The following PRR16 variants were observed in gnomAD, a reference collection of about 807,000 sequenced individuals.
PRR16 encodes protein Largen.
PRR16 carries 6 observed loss-of-function variants against 18.2 expected under a neutral mutation model. The observed-to-expected ratio is 0.33, with a 90% CI of 0.18 to 0.65. PRR16 has a LOEUF of 0.65. PRR16 is among the 30% of genes least tolerant of loss of function. PRR16 has a pLI of 0.74. For missense variants in PRR16, 412 were observed against 376.6 expected (o/e 1.09, Z -0.78); for synonymous variants, 151 against 147.8 (o/e 1.02, Z -0.16).
At chr5:120,697,897 G>T in the PRR16 span, among the ~76,000 whole-genome samples, 31 of 152,208 alleles carry the variant, frequency 2.0e-4, no homozygotes, top group South Asian at 2.3e-3. Flanking sequence ...CACTTCTTTT[G>T]TGGTGGAATG....
At chr5:120,637,183 T>A (rs1388593816) in intron 1 of PRR16, among the ~76,000 whole-genome samples, 4 of 152,076 alleles carry the variant, frequency 2.6e-5, no homozygotes, top group Middle Eastern at 3.2e-3. Flanking sequence ...AAACTGTTGT[T>A]GGTAATATAA....
At chr5:120,521,584 G>A (rs913746931) in intron 1 of PRR16, among the ~76,000 whole-genome samples, 1 of 152,002 alleles carries the variant, frequency 6.6e-6, no homozygotes, top group African/African-American at 2.4e-5. Context: ...CAAACATTGT[G>A]CAATGATCAA....
At chr5:120,656,945 A>G (rs753345709) in intron 1 of PRR16, among the ~76,000 whole-genome samples, 3 of 152,020 alleles carry the variant, frequency 2.0e-5, no homozygotes, top group Non-Finnish European at 4.4e-5. Context: ...AGAGGTTAGA[A>G]TTTTTATTCC....
intron 1 of PRR16, among the ~76,000 whole-genome samples, chr5:120,510,629 T>C (rs1207679801): frequency 6.6e-6 from 1 of 152,126 alleles, no homozygotes; most frequent in Non-Finnish European, 1.5e-5. Context: ...ATGAAGGAAA[T>C]AGAATGCACT....
intron 1 of PRR16, among the ~76,000 whole-genome samples, chr5:120,482,105 G>A (rs1310247009): frequency 2.6e-5 from 4 of 151,992 alleles, no homozygotes; most frequent in African/African-American, 9.7e-5. Context: ...ATTGCCCACT[G>A]GATATTTTGT....
At chr5:120,508,470 C>T (rs552882276) in intron 1 of PRR16, among the ~76,000 whole-genome samples, 5 of 152,222 alleles carry the variant, frequency 3.3e-5, no homozygotes, top group South Asian at 2.1e-4. Context: ...TAGCAGTCTG[C>T]TGCAATATTA....
At chr5:120,537,231 A>G (rs1014024813) in intron 1 of PRR16, among the ~76,000 whole-genome samples, 22 of 152,204 alleles carry the variant, frequency 1.4e-4, no homozygotes, top group African/African-American at 5.1e-4. Context: ...ATCCCAGAAG[A>G]ACATTCATTT....
At chr5:120,713,224 C>G in the PRR16 span, among the ~76,000 whole-genome samples, 1 of 152,012 alleles carries the variant, frequency 6.6e-6, no homozygotes, top group Non-Finnish European at 1.5e-5. Flanking sequence ...TAAAATAAGC[C>G]AGACATAGAA....
At chr5:120,744,545 C>T in the PRR16 span, among the ~76,000 whole-genome samples, 2 of 152,160 alleles carry the variant, frequency 1.3e-5, no homozygotes, top group Non-Finnish European at 2.9e-5. Context: ...CAATAGAGGA[C>T]AGCCAGATAA....
At position 120,538,068 on chromosome 5, in the gene PRR16, G is replaced by C. The variant is rs1031378353; in HGVS notation, c.159+73423G>C. On this transcript the variant is annotated intron_variant, in intron 1 of 1. Coordinates refer to ENST00000407149, the MANE Select transcript of PRR16 (RefSeq NM_001300783.2). ...TGGGATTACAGGCGTGAGCCACCGCGCCCGGCCGTTGTTTATAATATAAGC... is the reference window on the plus strand; with the variant it reads ...TGGGATTACAGGCGTGAGCCACCGCCCCCGGCCGTTGTTTATAATATAAGC... 4.6e-5 allele frequency among the ~76,000 whole-genome samples: 7 copies of C among 152,216 alleles called. No individual in the cohort carries two copies. In the South Asian group the frequency reaches 1.5e-3, roughly 32 times the overall value.
At chr5:120,564,981 G>A (rs976018230) in intron 1 of PRR16, among the ~76,000 whole-genome samples, 1 of 127,572 alleles carries the variant, frequency 7.8e-6, no homozygotes, top group Non-Finnish European at 1.6e-5. Context: ...GCAAGACTCT[G>A]TTTCCAGAAA....
chr5:120,683,164 T>C (rs972927404), intron 1 of PRR16, among the ~76,000 whole-genome samples: 4 of 152,134 alleles, frequency 2.6e-5, no homozygotes, highest in Non-Finnish European at 4.4e-5. Context: ...TGACTAGAAC[T>C]GACTCATACT....
At chr5:120,764,882 TCTCATCATACAACAATG>T in the PRR16 span, among the ~76,000 whole-genome samples, 1 of 152,066 alleles carries the variant, frequency 6.6e-6, no homozygotes, top group Non-Finnish European at 1.5e-5. Context: ...CATTAACCTT[TCTCATCATACAACAATG>T]TAAAACCTCC....
chr5:120,725,722 C>T, the PRR16 span, among the ~76,000 whole-genome samples: 140 of 152,114 alleles, frequency 9.2e-4, 1 homozygote, highest in African/African-American at 3.3e-3. Context: ...ATACACCTTT[C>T]CCTACTGTAA....
the PRR16 span, among the ~76,000 whole-genome samples, chr5:120,753,998 A>G: frequency 7.9e-6 from 1 of 127,272 alleles, no homozygotes; most frequent in Non-Finnish European, 1.6e-5. Context: ...AACATATATA[A>G]TATATATATT....
At chr5:120,758,354 C>G in the PRR16 span, among the ~76,000 whole-genome samples, 2 of 147,562 alleles carry the variant, frequency 1.4e-5, no homozygotes, top group African/African-American at 2.4e-5. Context: ...TGCATCAGCT[C>G]TTGAATTTCA....
chr5:120,657,914 C>T (rs568508244), intron 1 of PRR16, among the ~76,000 whole-genome samples: 4 of 151,964 alleles, frequency 2.6e-5, no homozygotes, highest in African/African-American at 9.6e-5. Context: ...AGGATATTGA[C>T]ATTCCTTTAG....
chr5:120,602,331 A>G (rs1754011085), intron 1 of PRR16, among the ~76,000 whole-genome samples: 3 of 151,988 alleles, frequency 2.0e-5, no homozygotes, highest in Non-Finnish European at 4.4e-5. Flanking sequence ...GCTATTGTAA[A>G]TGGGATTGCC....
chr5:120,633,522 G>C (rs1755128267), intron 1 of PRR16, among the ~76,000 whole-genome samples: 1 of 152,046 alleles, frequency 6.6e-6, no homozygotes. Flanking sequence ...TAAAGGGGTG[G>C]AAAAAAGAGA....
Sources: allele counts gnomAD v4.1 joint callset (sites outside exome capture counted in the v4.1 genomes callset), GRCh38; gene constraint gnomAD v4.1.1; transcripts MANE v1.5; gene names NCBI Gene and HGNC (gene_info 2026-07-23, HGNC 2026-07-21).